The following TCF3 variants were observed in gnomAD, a reference collection of about 807,000 sequenced individuals.
TCF3 encodes the protein transcription factor E2-alpha.
A neutral mutation model predicts 72.3 loss-of-function variants in TCF3; 54 were observed. The observed-to-expected ratio is 0.75, with a 90% confidence interval of 0.60 to 0.94. The LOEUF (loss-of-function observed/expected upper bound fraction) is 0.94. Among genes scored for constraint, TCF3 ranks in the 40% least tolerant of loss-of-function variants. The pLI is 0.00. For synonymous variants in TCF3, 525 were observed against 412.6 expected, an observed-to-expected ratio of 1.27 and a Z score of -3.30; for missense variants, 1,078 against 934.4, an observed-to-expected ratio of 1.15 and a Z score of -2.00.
chr19:1,642,250 A>G (rs373123256), intron 3 of TCF3, among the ~76,000 whole-genome samples: 8 of 151,554 alleles, frequency 5.3e-5, no homozygotes, highest in Admixed American at 2.0e-4. Context: ...AGACGCACAC[A>G]CACGTGCGCA....
Position 1,610,869 on chromosome 19 carries a change from CA to C in TCF3, c.*837del. 6.3e-6 allele frequency: 1 copy of C among 159,524 alleles called. No homozygotes were observed. The highest frequency in any genetic ancestry group is 1.2e-5 in the Non-Finnish European group (1 of 86,520). 9.9% of individuals were successfully genotyped at this position (159,524 alleles called of 1,614,324 possible). On this transcript the variant is annotated 3_prime_UTR_variant, in exon 19 of 19. Coordinates refer to ENST00000262965, the MANE Select transcript of TCF3 (RefSeq NM_003200.5). ...ACAAAACCAAGAGAACCCCCAACAT[CA>C]AAAAAACAAAAGACCCGCCGCCTGT...
At chr19:1,617,959 T>C (rs1168393736) in intron 16 of TCF3, among the ~76,000 whole-genome samples, 1 of 152,096 alleles carries the variant, frequency 6.6e-6, no homozygotes, top group Non-Finnish European at 1.5e-5. Flanking sequence ...CTAGGAGTGA[T>C]AGAATCAAGG....
At chr19:1,645,489 G>A (rs1170575991) in intron 3 of TCF3, among the ~76,000 whole-genome samples, 1 of 151,142 alleles carries the variant, frequency 6.6e-6, no homozygotes, top group East Asian at 1.9e-4. Flanking sequence ...CCGCCCCGCC[G>A]GCCGGTCCCA....
rs1318531813 is a variant in TCF3, at chr19:1,610,117, A to G, written c.*1590T>C. 1.3e-5 allele frequency: 3 copies of G among 232,038 alleles called. No individual in the cohort carries two copies. Among genetic ancestry groups the G allele is most frequent in the East Asian group, 6.1e-5 (1 of 16,442 alleles). The allele number at this position is 232,038 out of a possible 1,614,324, so 14.4% of individuals were successfully genotyped here. ...CAGCTGGGAAGAGCTGGTTACCCTCATGGCAAAAGACCAGAAAAGGAGACC... is the reference window on the plus strand; with the variant it reads ...CAGCTGGGAAGAGCTGGTTACCCTCGTGGCAAAAGACCAGAAAAGGAGACC... On this transcript the variant is annotated 3_prime_UTR_variant, in exon 19 of 19. Transcript: ENST00000262965.
At chr19:1,626,350 T>C (rs1366469844) in intron 6 of TCF3, among the ~76,000 whole-genome samples, 2 of 151,740 alleles carry the variant, frequency 1.3e-5, no homozygotes, top group African/African-American at 2.4e-5. Context: ...CTCAAAAGGC[T>C]GAGGCAGGAG....
chr19:1,646,905 G>C (rs566572455), intron 2 of TCF3, among the ~76,000 whole-genome samples: 154 of 152,380 alleles, frequency 1.0e-3, no homozygotes, highest in Admixed American at 1.7e-3. Flanking sequence ...CGTTTCCTGT[G>C]TGTGCACTGG....
At chr19:1,631,228 G>C (rs564078554) in intron 5 of TCF3, among the ~76,000 whole-genome samples, 2 of 151,556 alleles carry the variant, frequency 1.3e-5, no homozygotes, top group Non-Finnish European at 3.0e-5. Flanking sequence ...GCTTGCCCAG[G>C]TTCCGTGGTG....
chr19:1,625,760 G>A lies in TCF3; in HGVS notation c.367-52C>T, dbSNP rs753516763. The stretch of plus-strand genomic sequence containing the variant: ...CGCCCAGCTGGCATCCAGACCCCAG[G>A]CTGTTCCATTCAAGAAAAAACTGCA... On this transcript the variant is annotated intron_variant, in intron 6 of 18. Transcript: ENST00000262965. 1.3e-5 allele frequency: 19 copies of A among 1,442,712 alleles called. No individual in the cohort carries two copies. In the Admixed American group the frequency reaches 4.7e-4, roughly 36 times the overall value. The allele number at this position is 1,442,712 out of a possible 1,614,324, so 89.4% of individuals were successfully genotyped here.
chr19:1,629,315 G>A (rs962113216), intron 5 of TCF3, among the ~76,000 whole-genome samples: 2 of 150,832 alleles, frequency 1.3e-5, no homozygotes, highest in African/African-American at 2.5e-5. Flanking sequence ...ACCGCATCAG[G>A]TTCACCGCAC....
At chr19:1,636,022 C>T (rs746951582) in intron 3 of TCF3, among the ~76,000 whole-genome samples, 1 of 152,232 alleles carries the variant, frequency 6.6e-6, no homozygotes. Context: ...TGTCCCACCG[C>T]CCTGCCTGGG....
chr19:1,643,353 T>G (rs1035716762), intron 3 of TCF3, among the ~76,000 whole-genome samples: 4 of 152,178 alleles, frequency 2.6e-5, no homozygotes, highest in Non-Finnish European at 4.4e-5. Flanking sequence ...CCCGAGTAGC[T>G]GGGACCCCAA....
At chr19:1,642,920 C>T (rs944378389) in intron 3 of TCF3, among the ~76,000 whole-genome samples, 30 of 152,208 alleles carry the variant, frequency 2.0e-4, no homozygotes, top group African/African-American at 7.2e-4. Context: ...TGGATTTTCA[C>T]TCTGACCGTG....
intron 18 of TCF3, chr19:1,612,151 C>T: frequency 6.7e-7 from 1 of 1,498,618 alleles, no homozygotes; most frequent in Non-Finnish European, 9.0e-7. Context: ...CCAGCATCTG[C>T]ACCTGGGTGT....
chr19:1,630,148 G>A (rs887642840), intron 5 of TCF3, among the ~76,000 whole-genome samples: 20 of 152,196 alleles, frequency 1.3e-4, no homozygotes, highest in East Asian at 5.8e-4. Flanking sequence ...AACTGCCCAC[G>A]TCAGCCCTGC....
intron 5 of TCF3, among the ~76,000 whole-genome samples, chr19:1,629,403 C>A (rs2063415577): frequency 6.6e-6 from 1 of 152,192 alleles, no homozygotes; most frequent in Non-Finnish European, 1.5e-5. Flanking sequence ...TGCACCCCAC[C>A]AATGAGCACT....
chr19:1,639,128 C>T (rs982378679), intron 3 of TCF3, among the ~76,000 whole-genome samples: 2 of 152,272 alleles, frequency 1.3e-5, no homozygotes, highest in Non-Finnish European at 1.5e-5. Flanking sequence ...ACTGCAACCT[C>T]TGCCTCCCAG....
chr19:1,631,630 C>T (rs55865668), intron 5 of TCF3, among the ~76,000 whole-genome samples: 1 of 152,072 alleles, frequency 6.6e-6, no homozygotes, highest in East Asian at 1.9e-4. Flanking sequence ...GGCGGGCGGT[C>T]TGCGGAAGGG....
Position 1,615,175 on chromosome 19 carries a change from C to A in TCF3, c.1822+110G>T. 7.5e-7 allele frequency: 1 copy of A among 1,338,810 alleles called. No homozygotes were observed. The highest frequency in any genetic ancestry group is 1.0e-6 in the Non-Finnish European group (1 of 1,000,296). The allele number at this position is 1,338,810 out of a possible 1,614,324, so 82.9% of individuals were successfully genotyped here. On this transcript the variant is annotated intron_variant, in intron 18 of 18. Transcript: ENST00000262965. This position sits in a 1 kb window ranked among gnomAD's most constrained non-coding sequence, Gnocchi z 7.3. ...CACAGTCACTGCAAGGAGGCAACTG[C>A]TGCAGAGGGAGGGCTGGCTCCAGGA... is the stretch of plus-strand genomic sequence containing the variant.
At chr19:1,624,882 G>A (rs1054755705) in intron 7 of TCF3, among the ~76,000 whole-genome samples, 5 of 152,164 alleles carry the variant, frequency 3.3e-5, no homozygotes, top group African/African-American at 1.2e-4. Context: ...GTCTTGCGCT[G>A]TTGCTCAGGC....
Sources: allele counts gnomAD v4.1 joint callset (sites outside exome capture counted in the v4.1 genomes callset), GRCh38; gene constraint gnomAD v4.1.1; non-coding constraint Gnocchi (gnomAD v3.1); transcripts MANE v1.5; gene names NCBI Gene and HGNC (gene_info 2026-07-23, HGNC 2026-07-21).